Variants in CABLES1 observed in about 807,000 individuals in gnomAD.
CABLES1 encodes the protein Cdk5 and Abl enzyme substrate 1, also known as CDK5 and ABL1 enzyme substrate 1.
CABLES1 carries 36 observed loss-of-function variants against 57.8 expected under a neutral mutation model. That is an observed-to-expected ratio of 0.62 (90% CI 0.48 to 0.82). CABLES1 has a LOEUF of 0.82. Among genes scored for constraint, CABLES1 ranks in the 40% least tolerant of loss-of-function variants. CABLES1 has a pLI of 0.00. For synonymous variants in CABLES1, 374 were observed against 363.0 expected (o/e 1.03, Z -0.35); for missense variants, 767 against 836.6 (o/e 0.92, Z 1.03).
chr18:23,141,341 TGAAAA>T (rs1469395355), intron 1 of CABLES1, among the ~76,000 whole-genome samples: 1 of 152,192 alleles, frequency 6.6e-6, no homozygotes, highest in African/African-American at 2.4e-5. Context: ...ATGTCTTGAC[TGAAAA>T]GAAAAATGTG....
At chr18:23,225,469 C>T (rs762558164) in intron 4 of CABLES1, among the ~76,000 whole-genome samples, 1 of 151,172 alleles carries the variant, frequency 6.6e-6, no homozygotes, top group African/African-American at 2.4e-5. Flanking sequence ...CTTTATGGAA[C>T]GTGAGGAGAC....
Position 23,257,210 on chromosome 18 carries a change from TTTTC to T in CABLES1, c.1762-13_1762-10del. 1 of 1,604,840 alleles carries T rather than the reference TTTTC, an allele frequency of 6.2e-7. No homozygotes were observed. Among genetic ancestry groups the T allele is most frequent in the Non-Finnish European group, 8.5e-7 (1 of 1,178,032 alleles). On this transcript the variant is annotated splice_polypyrimidine_tract_variant and intron_variant, in intron 9 of 9. Coordinates refer to ENST00000256925, the MANE Select transcript of CABLES1 (RefSeq NM_001100619.3). Reference sequence around the variant, plus strand: ...AATTTCAAAATGAACATGCTTTTGATTTTCTTTTTGTTGCAGAAACTGGAAGAGA... The same window carrying T: ...AATTTCAAAATGAACATGCTTTTGATTTTTTGTTGCAGAAACTGGAAGAGA...
At chr18:23,243,629 T>A (rs1414044729) in intron 7 of CABLES1, among the ~76,000 whole-genome samples, 1 of 152,002 alleles carries the variant, frequency 6.6e-6, no homozygotes, top group Admixed American at 6.5e-5. Flanking sequence ...TCCCAGCACT[T>A]TGGGAGGCCA....
chr18:23,164,047 A>G lies in CABLES1; in HGVS notation c.846-24791A>G, dbSNP rs2047023753. On this transcript the variant is annotated intron_variant, in intron 1 of 9. Transcript: ENST00000256925. ...ATGTGGGTTCCAGGATCAGGTTCCT[A>G]ACTACTGTGCCATGCTGTGCTTAGG... Among the ~76,000 whole-genome samples, 3 of 152,188 alleles carry G rather than the reference A, an allele frequency of 2.0e-5. No homozygotes were observed. The South Asian group carries it at 6.2e-4, about 32-fold the overall frequency.
chr18:23,216,064 T>G (rs2047439904), intron 4 of CABLES1, among the ~76,000 whole-genome samples: 1 of 152,196 alleles, frequency 6.6e-6, no homozygotes, highest in Non-Finnish European at 1.5e-5. Context: ...AACTACAACT[T>G]TTAATACATG....
chr18:23,137,879 A>T (rs950975188), intron 1 of CABLES1, among the ~76,000 whole-genome samples: 1 of 152,134 alleles, frequency 6.6e-6, no homozygotes, highest in Non-Finnish European at 1.5e-5. Flanking sequence ...TGCATGGATG[A>T]ATTAGCGACA....
At chr18:23,221,439 A>G (rs1162567235) in intron 4 of CABLES1, among the ~76,000 whole-genome samples, 1 of 152,206 alleles carries the variant, frequency 6.6e-6, no homozygotes, top group Non-Finnish European at 1.5e-5. Flanking sequence ...GTGTATGCTC[A>G]GTGTCCTGAG....
At chr18:23,194,924 A>T (rs890689696) in intron 3 of CABLES1, among the ~76,000 whole-genome samples, 2 of 152,132 alleles carry the variant, frequency 1.3e-5, no homozygotes, top group Non-Finnish European at 2.9e-5. Context: ...TGGTCAATAA[A>T]TGCCCTCCCA....
At chr18:23,206,711 T>G (rs1270160311) in intron 3 of CABLES1, among the ~76,000 whole-genome samples, 3 of 152,230 alleles carry the variant, frequency 2.0e-5, no homozygotes, top group African/African-American at 7.2e-5. Context: ...CAACTGCAAT[T>G]TTTTTCAATG....
chr18:23,210,051 G>A (rs758910244), intron 3 of CABLES1, among the ~76,000 whole-genome samples: 16 of 152,328 alleles, frequency 1.1e-4, no homozygotes, highest in South Asian at 4.1e-4. Flanking sequence ...ACGGTGCTCC[G>A]TTAGCTTCCG....
intron 2 of CABLES1, among the ~76,000 whole-genome samples, chr18:23,194,239 A>G (rs1374018750): frequency 1.3e-5 from 2 of 152,128 alleles, no homozygotes; most frequent in Non-Finnish European, 2.9e-5. Flanking sequence ...GTAAAATAAT[A>G]ACAGTATTAT....
chr18:23,171,575 G>A (rs1263013948), intron 1 of CABLES1, among the ~76,000 whole-genome samples: 4 of 152,168 alleles, frequency 2.6e-5, no homozygotes, highest in Non-Finnish European at 5.9e-5. Flanking sequence ...TAAAGTGGTG[G>A]TATTTCTCCT....
At chr18:23,241,355 ACT>A (rs2047732217) in intron 7 of CABLES1, among the ~76,000 whole-genome samples, 1 of 151,480 alleles carries the variant, frequency 6.6e-6, no homozygotes, top group South Asian at 2.1e-4. Context: ...ACGTGATGAA[ACT>A]CTGTCTCTAC....
intron 1 of CABLES1, among the ~76,000 whole-genome samples, chr18:23,162,560 G>A (rs1004961536): frequency 2.0e-5 from 3 of 152,178 alleles, no homozygotes; most frequent in African/African-American, 7.2e-5. Flanking sequence ...TACAGTCCTT[G>A]TAGGTGACAA....
At chr18:23,180,415 T>C (rs9960714) in intron 1 of CABLES1, among the ~76,000 whole-genome samples, 25,466 of 152,094 alleles carry the variant, frequency 0.17, 3,292 homozygotes, top group African/African-American at 0.32. Context: ...GAAATAACAA[T>C]AGGGTGATGG....
In CABLES1 at chr18:23,135,675, G is replaced by A; in HGVS notation, c.-88G>A. The A allele has an allele frequency of 1.0e-6, 1 of 978,678 alleles. No homozygotes were observed. Among genetic ancestry groups the A allele is most frequent in the Non-Finnish European group, 1.2e-6 (1 of 825,994 alleles). 60.6% of individuals were successfully genotyped at this position (978,678 alleles called of 1,614,324 possible). A position where few individuals can be genotyped will look rare whatever the true frequency, so the allele number is the denominator to read the frequency against. ...CCGATCCCCGCGCCCTACCCAGCCCGGGTCGCCGCCGCTCGCGCCCGCCGC... is the reference window on the plus strand; with the variant it reads ...CCGATCCCCGCGCCCTACCCAGCCCAGGTCGCCGCCGCTCGCGCCCGCCGC... On this transcript the variant is annotated 5_prime_UTR_variant, in exon 1 of 10. Coordinates refer to ENST00000256925, the MANE Select transcript of CABLES1 (RefSeq NM_001100619.3).
At chr18:23,238,004 C>T (rs1226400969) in intron 7 of CABLES1, among the ~76,000 whole-genome samples, 1 of 151,948 alleles carries the variant, frequency 6.6e-6, no homozygotes, top group African/African-American at 2.4e-5. Flanking sequence ...TGGGAGACAT[C>T]CACCCAGAAT....
chr18:23,136,431 C>A lies in CABLES1; in HGVS notation c.669C>A (p.Ala223=). Residue 223 remains alanine, a synonymous_variant, in exon 1 of 10, where the codon GCC becomes GCA. Coordinates refer to ENST00000256925, the MANE Select transcript of CABLES1 (RefSeq NM_001100619.3). ...TCAGCGTGCAGGTGCCGGCGGCCGC[C>A]TTTTTGGGCTCCGGGACCCCCGGGA... ...AFISVQVPAA[A]FLGSGTPGSG... 6.2e-7 allele frequency: 1 copy of A among 1,602,650 alleles called. No homozygotes were observed. The highest frequency in any genetic ancestry group is 8.5e-7 in the Non-Finnish European group (1 of 1,176,094).
At chr18:23,142,313 C>T (rs116857079) in intron 1 of CABLES1, among the ~76,000 whole-genome samples, 3,496 of 152,214 alleles carry the variant, frequency 0.023, 67 homozygotes, top group Middle Eastern at 0.037. Flanking sequence ...CCTTCAGGCA[C>T]GGGCAATATC....
Sources: gnomAD v4.1 joint callset for allele counts (sites outside exome capture counted in the v4.1 genomes callset) on GRCh38, gnomAD v4.1.1 for gene constraint, MANE v1.5 for transcripts, NCBI Gene and HGNC (gene_info 2026-07-23, HGNC 2026-07-21) for gene names.